BCKDHB: variants seen among roughly 807,000 people sequenced by gnomAD.
The protein encoded by BCKDHB is branched chain keto acid dehydrogenase E1 subunit beta.
Under a neutral mutation model 48.5 loss-of-function variants are expected in BCKDHB, and 41 were observed. The ratio of observed to expected loss-of-function variants is 0.85; its 90% CI spans 0.66 to 1.10. BCKDHB has a LOEUF of 1.10. Among genes scored for constraint, BCKDHB ranks in the 50% least tolerant of loss-of-function variants. BCKDHB has a pLI of 0.00. For synonymous variants in BCKDHB, 201 were observed against 174.8 expected, an observed-to-expected ratio of 1.15 and a Z score of -1.18; for missense variants, 496 against 494.2, an observed-to-expected ratio of 1.00 and a Z score of -0.03.
chr6:80,191,438 T>C (rs768905647), intron 6 of BCKDHB, among the ~76,000 whole-genome samples: 2 of 152,124 alleles, frequency 1.3e-5, no homozygotes, highest in African/African-American at 2.4e-5. Context: ...CTGAGGGACT[T>C]ACATTACCAA....
the BCKDHB span, among the ~76,000 whole-genome samples, chr6:80,462,177 T>C: frequency 6.6e-6 from 1 of 152,234 alleles, no homozygotes; most frequent in Non-Finnish European, 1.5e-5. Flanking sequence ...GAGTTCTTTC[T>C]TGTTACTTCT....
the BCKDHB span, among the ~76,000 whole-genome samples, chr6:80,364,830 C>G: frequency 2.0e-5 from 3 of 152,102 alleles, no homozygotes; most frequent in African/African-American, 7.2e-5. Flanking sequence ...CTGGGGGAAC[C>G]CACCCCCAAT....
chr6:80,108,797 T>G (rs1769265190), intron 1 of BCKDHB, among the ~76,000 whole-genome samples: 1 of 152,042 alleles, frequency 6.6e-6, no homozygotes, highest in African/African-American at 2.4e-5. Flanking sequence ...GAGGCAGAGG[T>G]TGCAGTGAGC....
At chr6:80,401,237 A>G in the BCKDHB span, among the ~76,000 whole-genome samples, 1 of 151,926 alleles carries the variant, frequency 6.6e-6, no homozygotes, top group Non-Finnish European at 1.5e-5. Context: ...TAAAATTAAA[A>G]ATAAATAACT....
At chr6:80,450,802 C>T in the BCKDHB span, among the ~76,000 whole-genome samples, 28 of 152,098 alleles carry the variant, frequency 1.8e-4, no homozygotes, top group Admixed American at 9.8e-4. Flanking sequence ...GGATTCCAAA[C>T]GGGGTAGATT....
intron 6 of BCKDHB, among the ~76,000 whole-genome samples, chr6:80,197,956 A>C: frequency 6.6e-6 from 1 of 151,738 alleles, no homozygotes. Flanking sequence ...CCATCCATCC[A>C]TCCATCCATC....
At chr6:80,139,591 T>C (rs2127739898) in intron 3 of BCKDHB, among the ~76,000 whole-genome samples, 1 of 151,762 alleles carries the variant, frequency 6.6e-6, no homozygotes, top group East Asian at 1.9e-4. Context: ...TTTTCTCAGG[T>C]TTGTCAAAGA....
intron 3 of BCKDHB, among the ~76,000 whole-genome samples, chr6:80,145,530 G>T (rs978565516): frequency 6.6e-6 from 1 of 152,170 alleles, no homozygotes; most frequent in African/African-American, 2.4e-5. Flanking sequence ...TCTTTAAGCT[G>T]CTCTTATAGA....
At chr6:80,445,315 C>T in the BCKDHB span, among the ~76,000 whole-genome samples, 62 of 152,116 alleles carry the variant, frequency 4.1e-4, no homozygotes, top group Non-Finnish European at 6.5e-4. Context: ...TATTTAACTA[C>T]CTGTACATCA....
At chr6:80,289,446 C>T (rs781548648) in intron 9 of BCKDHB, among the ~76,000 whole-genome samples, 3 of 152,048 alleles carry the variant, frequency 2.0e-5, no homozygotes, top group Non-Finnish European at 4.4e-5. Context: ...CCAGGAAGTG[C>T]AGCTCCCACT....
chr6:80,249,173 AC>A (rs1428559289), intron 8 of BCKDHB, among the ~76,000 whole-genome samples: 2 of 151,806 alleles, frequency 1.3e-5, no homozygotes, highest in Non-Finnish European at 1.5e-5. Flanking sequence ...AGTTCCTCCC[AC>A]CCAATCCTCA....
intron 9 of BCKDHB, among the ~76,000 whole-genome samples, chr6:80,316,434 A>C (rs1457048935): frequency 1.3e-5 from 2 of 151,846 alleles, no homozygotes; most frequent in African/African-American, 4.8e-5. Flanking sequence ...TCAGTTCTTC[A>C]TAAGAATATA....
At chr6:80,172,747 A>G (rs1003453830) in intron 6 of BCKDHB, among the ~76,000 whole-genome samples, 85 of 152,090 alleles carry the variant, frequency 5.6e-4, no homozygotes, top group African/African-American at 1.8e-3. Context: ...CAATGTATCC[A>G]TTCCTCTGTG....
intron 1 of BCKDHB, among the ~76,000 whole-genome samples, chr6:80,116,396 G>A (rs1258989391): frequency 6.6e-6 from 1 of 152,166 alleles, no homozygotes; most frequent in Non-Finnish European, 1.5e-5. Flanking sequence ...GTGTTTGCAT[G>A]TGTTCATTCA....
At chr6:80,264,607 A>C (rs1352013939) in intron 8 of BCKDHB, among the ~76,000 whole-genome samples, 1 of 152,134 alleles carries the variant, frequency 6.6e-6, no homozygotes, top group Non-Finnish European at 1.5e-5. Flanking sequence ...GTCATGGATA[A>C]GCAGTCTGGC....
chr6:80,356,122 ATC>A, the BCKDHB span: 1 of 152,318 alleles, frequency 6.6e-6, no homozygotes, highest in Non-Finnish European at 1.5e-5. Flanking sequence ...CTCAAGCATT[ATC>A]TGAGTCCCAA....
At chr6:80,326,884 A>G (rs1486797104) in intron 9 of BCKDHB, among the ~76,000 whole-genome samples, 1 of 152,152 alleles carries the variant, frequency 6.6e-6, no homozygotes, top group Admixed American at 6.5e-5. Context: ...AGAAAAAAAA[A>G]GAGTAAGTAA....
chr6:80,238,802 C>T (rs1448722353), intron 8 of BCKDHB, among the ~76,000 whole-genome samples: 1 of 152,004 alleles, frequency 6.6e-6, no homozygotes, highest in Non-Finnish European at 1.5e-5. Context: ...ACCCTGTGTC[C>T]AAGTATTCTC....
chr6:80,356,349 T>G, the BCKDHB span: 1 of 152,212 alleles, frequency 6.6e-6, no homozygotes, highest in Admixed American at 6.5e-5. Context: ...AGTGTTCAAA[T>G]AGATTATAGG....
Sources: gnomAD v4.1 joint callset for allele counts (sites outside exome capture counted in the v4.1 genomes callset) on GRCh38, gnomAD v4.1.1 for gene constraint, MANE v1.5 for transcripts, NCBI Gene and HGNC (gene_info 2026-07-23, HGNC 2026-07-21) for gene names.